The following SLC25A33 variants were observed in gnomAD, a reference collection of about 807,000 sequenced individuals.
SLC25A33 encodes the protein bone marrow stromal cell mitochondrial carrier protein.
In SLC25A33, 15 loss-of-function variants were observed where a neutral mutation model predicts 35.5. The ratio of observed to expected loss-of-function variants is 0.42; its 90% CI spans 0.28 to 0.65. The LOEUF (loss-of-function observed/expected upper bound fraction) is 0.65, where lower values mean the gene tolerates loss of function less well. Ranked by LOEUF, SLC25A33 falls within the 30% of genes least tolerant of loss-of-function variation. The pLI is 0.20. For synonymous variants in SLC25A33, 136 were observed against 148.7 expected (o/e 0.91, Z 0.62); for missense variants, 257 against 398.5 (o/e 0.64, Z 3.02).
intron 5 of SLC25A33, among the ~76,000 whole-genome samples, chr1:9,575,212 CAAAAAAAAAAAAA>C (rs909942057): frequency 1.7e-5 from 1 of 58,722 alleles, no homozygotes; most frequent in African/African-American, 6.8e-5. Context: ...GACTCTGGCT[CAAAAAAAAAAAAA>C]AAAAAAAAAA....
At chr1:9,566,162 C>G (rs1233385523) in intron 2 of SLC25A33, among the ~76,000 whole-genome samples, 2 of 152,006 alleles carry the variant, frequency 1.3e-5, no homozygotes, top group African/African-American at 4.8e-5. Context: ...CCTCAGCCTC[C>G]TGAGTAGCTG....
intron 2 of SLC25A33, among the ~76,000 whole-genome samples, chr1:9,557,972 G>T (rs1391950094): frequency 1.3e-5 from 2 of 152,172 alleles, no homozygotes; most frequent in Non-Finnish European, 2.9e-5. Context: ...TTAAAAAATT[G>T]TGGGTACATA....
intron 2 of SLC25A33, among the ~76,000 whole-genome samples, chr1:9,555,110 C>CTTTTTTTTTTTT (rs1172100444): frequency 1.1e-5 from 1 of 91,178 alleles, no homozygotes; most frequent in Non-Finnish European, 2.0e-5. Context: ...GCATTTAGCA[C>CTTTTTTTTTTTT]TTTTTTTTTT....
chr1:9,540,719 G>C (rs1643066624), intron 1 of SLC25A33, among the ~76,000 whole-genome samples: 1 of 152,084 alleles, frequency 6.6e-6, no homozygotes, highest in Non-Finnish European at 1.5e-5. Flanking sequence ...GTTTATTCTG[G>C]GATGATCATC....
intron 5 of SLC25A33, among the ~76,000 whole-genome samples, chr1:9,577,207 C>G (rs1162158064): frequency 6.6e-6 from 1 of 152,112 alleles, no homozygotes; most frequent in African/African-American, 2.4e-5. Flanking sequence ...CCTGTAATCC[C>G]AGTACTTTGG....
chr1:9,575,100 C>T (rs1208476642), intron 5 of SLC25A33, among the ~76,000 whole-genome samples: 1 of 150,150 alleles, frequency 6.7e-6, no homozygotes, highest in African/African-American at 2.5e-5. Context: ...GTAGTCCCAG[C>T]TACTTGGGAG....
chr1:9,568,919 C>T (rs1267508029), intron 3 of SLC25A33, among the ~76,000 whole-genome samples: 1 of 151,524 alleles, frequency 6.6e-6, no homozygotes, highest in Non-Finnish European at 1.5e-5. Flanking sequence ...AGACCAAAAG[C>T]TTATAGAATT....
At chr1:9,580,280 G>A (rs367752582) in intron 6 of SLC25A33, 46 bp downstream of exon 6, 37 of 1,588,998 alleles carry the variant, frequency 2.3e-5, no homozygotes, top group Non-Finnish European at 2.8e-5. Context: ...CAGCTGTCAC[G>A]TTTGTTGTTT....
intron 1 of SLC25A33, among the ~76,000 whole-genome samples, chr1:9,553,203 G>GTTTTT (rs550067186): frequency 7.6e-4 from 43 of 56,266 alleles, no homozygotes; most frequent in Middle Eastern, 0.021. Context: ...TTCTAGTTTT[G>GTTTTT]TTTTTTTTTT....
At chr1:9,568,610 G>C (rs1643543936) in intron 3 of SLC25A33, among the ~76,000 whole-genome samples, 1 of 152,194 alleles carries the variant, frequency 6.6e-6, no homozygotes, top group Non-Finnish European at 1.5e-5. Flanking sequence ...CCAGCACTTT[G>C]GGAGGCCGAG....
chr1:9,580,131 C>T lies in SLC25A33; in HGVS notation c.660C>T (p.Ala220=). ...AGTATCTGAAAGAAGCTCCATTAGC[C>T]TCTTCTGCAAATGGGACTGAGAAAA... ...LKKYLKEAPL[A]SSANGTEKNS... Residue 220 remains alanine, a synonymous_variant, in exon 6 of 7, where the codon GCC becomes GCT. Coordinates refer to ENST00000302692, the MANE Select transcript of SLC25A33 (RefSeq NM_032315.3). 6.2e-7 allele frequency: 1 copy of T among 1,609,228 alleles called. No individual in the cohort carries two copies. Among genetic ancestry groups the T allele is most frequent in the Non-Finnish European group, 8.5e-7 (1 of 1,176,184 alleles).
At chr1:9,552,988 G>A (rs1036261680) in intron 1 of SLC25A33, among the ~76,000 whole-genome samples, 4 of 129,976 alleles carry the variant, frequency 3.1e-5, no homozygotes, top group African/African-American at 5.9e-5. Context: ...CAAGATCTCC[G>A]CTCACTGCAA....
At chr1:9,572,120 T>C (rs1032119421) in intron 4 of SLC25A33, among the ~76,000 whole-genome samples, 9 of 152,226 alleles carry the variant, frequency 5.9e-5, no homozygotes, top group Admixed American at 2.0e-4. Context: ...ATCTTAAAGT[T>C]GCTTTATACA....
At chr1:9,567,180 A>G in intron 2 of SLC25A33, 104 bp from the exon 3 acceptor site, 1 of 968,372 alleles carries the variant, frequency 1.0e-6, no homozygotes, top group East Asian at 2.4e-5. Context: ...ACATCTCTCA[A>G]ACATTTTATT....
intron 1 of SLC25A33, among the ~76,000 whole-genome samples, chr1:9,540,015 C>T (rs1424597355): frequency 6.6e-6 from 1 of 152,112 alleles, no homozygotes; most frequent in Non-Finnish European, 1.5e-5. Flanking sequence ...CAGCTTTTCC[C>T]CATTCTGAAG....
At chr1:9,576,551 A>G in intron 5 of SLC25A33, 2 of 549,420 alleles carry the variant, frequency 3.6e-6, no homozygotes, top group South Asian at 2.8e-5. Context: ...AGTCACATCA[A>G]TGTAGAACTC....
rs1643569882 is a variant in SLC25A33 at position 9,570,240 on chromosome 1, T to C, written c.315-18T>C. ...GCACTGTGATGATTTCTTTATAATG[T>C]TCTCTTTGTTCTAACAGGGCTGTAT... On this transcript the variant is annotated intron_variant, in intron 3 of 6. Transcript: ENST00000302692. The C allele has an allele frequency of 6.2e-7, 1 of 1,605,144 alleles. No individual in the cohort carries two copies.
rs371724238 is a variant in SLC25A33, at chr1:9,542,020, C to G, written c.56+2273C>G. 2.6e-5 allele frequency among the ~76,000 whole-genome samples: 4 copies of G among 152,222 alleles called. No individual in the cohort carries two copies. The Middle Eastern group carries it at 0.01, about 388-fold the overall frequency. On this transcript the variant is annotated intron_variant, in intron 1 of 6. Coordinates refer to ENST00000302692, the MANE Select transcript of SLC25A33 (RefSeq NM_032315.3). Reference sequence around the variant, plus strand: ...TTAACCGTGTTAGCCAGGATGGTCTCGATCTCCTGACCCCCTCTGCCCACC... The same window carrying G: ...TTAACCGTGTTAGCCAGGATGGTCTGGATCTCCTGACCCCCTCTGCCCACC...
chr1:9,562,075 T>C (rs969595307), intron 2 of SLC25A33, among the ~76,000 whole-genome samples: 1 of 144,098 alleles, frequency 6.9e-6, no homozygotes, highest in African/African-American at 2.6e-5. Context: ...GGGGCAATAT[T>C]CGTGTTTCAC....
Sources: allele counts gnomAD v4.1 joint callset (sites outside exome capture counted in the v4.1 genomes callset), GRCh38; gene constraint gnomAD v4.1.1; transcripts MANE v1.5; gene names NCBI Gene and HGNC (gene_info 2026-07-23, HGNC 2026-07-21).